The following ELAPOR1 variants were observed in gnomAD, a reference collection of about 807,000 sequenced individuals.
The protein encoded by ELAPOR1 is endosome-lysosome associated apoptosis and autophagy regulator 1, also known as endosome/lysosome-associated apoptosis and autophagy regulator 1.
A neutral mutation model predicts 119.7 loss-of-function variants in ELAPOR1; 77 were observed. That is an observed-to-expected ratio of 0.64 (90% CI 0.54 to 0.78). ELAPOR1 has a LOEUF of 0.78. Among genes scored for constraint, ELAPOR1 ranks in the 30% least tolerant of loss-of-function variants. The pLI, the probability that ELAPOR1 is intolerant of heterozygous loss-of-function variation, is 0.00. For missense variants in ELAPOR1, 1,115 were observed against 1,270.4 expected (o/e 0.88, Z 1.86); for synonymous variants, 481 against 487.2 (o/e 0.99, Z 0.17).
At chr1:109,155,789 G>A (rs1320820437) in intron 1 of ELAPOR1, among the ~76,000 whole-genome samples, 2 of 152,172 alleles carry the variant, frequency 1.3e-5, no homozygotes, top group Non-Finnish European at 2.9e-5. Flanking sequence ...CACTCTGCCT[G>A]CTGCCTTCCA....
chr1:109,147,766 TA>T (rs971657904), intron 1 of ELAPOR1, among the ~76,000 whole-genome samples: 57 of 150,534 alleles, frequency 3.8e-4, no homozygotes, highest in African/African-American at 7.8e-4. Flanking sequence ...AAAACTGCTC[TA>T]AAAAAAAAGT....
At chr1:109,127,195 C>G (rs914270478) in intron 1 of ELAPOR1, among the ~76,000 whole-genome samples, 4 of 148,350 alleles carry the variant, frequency 2.7e-5, no homozygotes, top group Non-Finnish European at 4.5e-5. Flanking sequence ...CTCCACTGTT[C>G]TAATTCTTTT....
intron 1 of ELAPOR1, among the ~76,000 whole-genome samples, chr1:109,160,706 A>G (rs1651194168): frequency 6.6e-6 from 1 of 152,252 alleles, no homozygotes; most frequent in African/African-American, 2.4e-5. Flanking sequence ...TTTCTTATGC[A>G]TACAGTAATA....
At position 109,188,331 on chromosome 1, in the gene ELAPOR1, A is replaced by G. The variant is rs1359719692; in HGVS notation, c.1196A>G (p.Tyr399Cys). 1.9e-6 allele frequency: 3 copies of G among 1,613,642 alleles called. No individual in the cohort carries two copies. In the African/African-American group the frequency reaches 4.0e-5, roughly 22 times the overall value. Residue 399 changes from tyrosine to cysteine, a missense_variant, in exon 9 of 22, where the codon TAT becomes TGT. Coordinates refer to ENST00000369939, the MANE Select transcript of ELAPOR1 (RefSeq NM_020775.5). ...AACAGCACCTGCCAGCCCTGCCCAT[A>G]TGGTTCCTACTCCAATGGCTCAGGT... is the stretch of plus-strand genomic sequence containing the variant. ...TNNSTCQPCP[Y>C]GSYSNGSDCT...
chr1:109,175,346 G>A (rs564190851), intron 7 of ELAPOR1, among the ~76,000 whole-genome samples: 55 of 151,054 alleles, frequency 3.6e-4, no homozygotes, highest in Non-Finnish European at 6.0e-4. Flanking sequence ...GGGATTACAG[G>A]CGTGCACCAC....
chr1:109,194,006 C>T (rs908989073), intron 14 of ELAPOR1, among the ~76,000 whole-genome samples: 5 of 152,280 alleles, frequency 3.3e-5, no homozygotes, highest in Admixed American at 6.5e-5. Context: ...GAGTTTTGCA[C>T]TGTGAGGGGG....
intron 1 of ELAPOR1, among the ~76,000 whole-genome samples, chr1:109,155,204 G>T (rs1247849499): frequency 6.6e-6 from 1 of 151,920 alleles, no homozygotes; most frequent in Non-Finnish European, 1.5e-5. Flanking sequence ...TGAGACGGAG[G>T]CTCACTCTGT....
rs766286896 is a variant in ELAPOR1 at position 109,171,961 on chromosome 1, C to T, written c.563C>T (p.Thr188Ile). Reference protein sequence around the residue: ...MYAVNLKQSGTVNFEYYYPDS... With the variant: ...MYAVNLKQSGIVNFEYYYPDS... Reference sequence around the variant, plus strand: ...GCCGTCAACCTGAAGCAATCTGGCACCGTTAACTTCGAATACTACTATCCA... The same window carrying T: ...GCCGTCAACCTGAAGCAATCTGGCATCGTTAACTTCGAATACTACTATCCA... Residue 188 changes from threonine to isoleucine, a missense_variant, in exon 4 of 22, where the codon ACC becomes ATC. Coordinates refer to ENST00000369939, the MANE Select transcript of ELAPOR1 (RefSeq NM_020775.5). 20 of 1,614,078 alleles carry T rather than the reference C, an allele frequency of 1.2e-5. No individual in the cohort carries two copies. The highest frequency in any genetic ancestry group is 1.6e-4 in the Middle Eastern group (1 of 6,084).
At chr1:109,180,638 C>A (rs1436436201) in intron 7 of ELAPOR1, among the ~76,000 whole-genome samples, 1 of 152,168 alleles carries the variant, frequency 6.6e-6, no homozygotes, top group East Asian at 1.9e-4. Flanking sequence ...AATTCATTTA[C>A]CTTAAGCCCT....
intron 1 of ELAPOR1, among the ~76,000 whole-genome samples, chr1:109,149,228 G>A (rs1205070889): frequency 5.3e-5 from 8 of 152,096 alleles, no homozygotes; most frequent in African/African-American, 1.2e-4. Context: ...AAATGTCAGC[G>A]GGGCTCCTTT....
chr1:109,126,323 A>C (rs1220093455), intron 1 of ELAPOR1, among the ~76,000 whole-genome samples: 1 of 152,200 alleles, frequency 6.6e-6, no homozygotes, highest in African/African-American at 2.4e-5. Context: ...TTACACTTGT[A>C]AAATAAAAAA....
intron 7 of ELAPOR1, among the ~76,000 whole-genome samples, chr1:109,174,367 C>T (rs545539758): frequency 1.6e-5 from 2 of 125,102 alleles, no homozygotes; most frequent in African/African-American, 6.1e-5. Context: ...GAGCCATGAT[C>T]ACACCACTGC....
intron 1 of ELAPOR1, among the ~76,000 whole-genome samples, chr1:109,147,810 TTTA>T (rs559089756): frequency 1.3e-5 from 2 of 150,936 alleles, no homozygotes; most frequent in South Asian, 2.1e-4. Flanking sequence ...TTTACTTTAT[TTTA>T]TTATTATTAT....
chr1:109,180,508 T>TAAAA (rs5776964), intron 7 of ELAPOR1, among the ~76,000 whole-genome samples: 1 of 150,530 alleles, frequency 6.6e-6, no homozygotes, highest in Non-Finnish European at 1.5e-5. Context: ...CCCATCTCTT[T>TAAAA]AAAAAAAAAA....
intron 1 of ELAPOR1, among the ~76,000 whole-genome samples, chr1:109,127,578 A>T (rs912272704): frequency 2.7e-5 from 4 of 149,534 alleles, no homozygotes; most frequent in African/African-American, 4.9e-5. Flanking sequence ...TTATTTATTT[A>T]TTTTTTTGAG....
intron 3 of ELAPOR1, among the ~76,000 whole-genome samples, chr1:109,169,519 G>A (rs554447210): frequency 3.3e-5 from 5 of 152,234 alleles, no homozygotes; most frequent in Non-Finnish European, 5.9e-5. Context: ...AAAGTGCTGC[G>A]ATTACAGGCA....
rs1654073644 is a variant in ELAPOR1 at position 109,200,093 on chromosome 1, G to A, written c.2663G>A (p.Cys888Tyr). Residue 888 changes from cysteine to tyrosine, a missense_variant, in exon 20 of 22, where the codon TGC (cysteine) becomes TAC (tyrosine). By Grantham distance (194) the Cys-to-Tyr change is radical. Coordinates refer to ENST00000369939, the MANE Select transcript of ELAPOR1 (RefSeq NM_020775.5). ...TACGTGTGGCGAGAACCCAAGCTAT[G>A]CTCTGGTGGCATTTCTCTGCCTGAG... ...TTYVWREPKL[C>Y]SGGISLPEQR... The A allele has an allele frequency of 9.9e-6, 16 of 1,614,206 alleles. No homozygotes were observed. The highest frequency in any genetic ancestry group is 1.3e-5 in the Non-Finnish European group (15 of 1,180,040).
chr1:109,144,049 ATATATTTATATAT>A (rs1650001373), intron 1 of ELAPOR1, among the ~76,000 whole-genome samples: 1 of 44,838 alleles, frequency 2.2e-5, no homozygotes, highest in Non-Finnish European at 4.9e-5. Flanking sequence ...ATATATATAT[ATATATTTATATAT>A]TTTTTTTTTT....
In ELAPOR1 at chr1:109,189,663, C is replaced by G; in HGVS notation, c.1420C>G (p.Leu474Val). The G allele has an allele frequency of 1.2e-6, 2 of 1,614,058 alleles. No homozygotes were observed. The highest frequency in any genetic ancestry group is 3.3e-5 in the Admixed American group (2 of 60,014). Residue 474 changes from leucine (L) to valine (V), a missense_variant, in exon 11 of 22, where the codon CTG (leucine) becomes GTG (valine). By Grantham distance (32) the Leu-to-Val change is conservative. Coordinates refer to ENST00000369939, the MANE Select transcript of ELAPOR1 (RefSeq NM_020775.5). ...ASDNDFMILT[L>V]VVPGFRPPQS... is the part of the protein sequence containing the mutation. Reference sequence around the variant, plus strand: ...AGACAATGACTTCATGATTCTCACTCTGGTTGTGCCAGGATTTAGGTGAGG... The same window carrying G: ...AGACAATGACTTCATGATTCTCACTGTGGTTGTGCCAGGATTTAGGTGAGG...
Sources: allele counts gnomAD v4.1 joint callset (sites outside exome capture counted in the v4.1 genomes callset), GRCh38; gene constraint gnomAD v4.1.1; transcripts MANE v1.5; gene names NCBI Gene and HGNC (gene_info 2026-07-23, HGNC 2026-07-21).